The following CSMD2 variants were observed in gnomAD, a reference collection of about 807,000 sequenced individuals.
The protein encoded by CSMD2 is CUB and sushi domain-containing protein 2.
CSMD2 carries 130 observed loss-of-function variants against 398.5 expected under a neutral mutation model. The ratio of observed to expected loss-of-function variants is 0.33; its 90% CI spans 0.28 to 0.38. The LOEUF (loss-of-function observed/expected upper bound fraction) is 0.38. CSMD2 is among the 10% of genes least tolerant of loss of function. CSMD2 has a pLI of 1.00. For missense variants in CSMD2, 3,829 were observed against 4,764.9 expected, an observed-to-expected ratio of 0.80 and a Z score of 5.78; for synonymous variants, 1,828 against 1,908.5, an observed-to-expected ratio of 0.96 and a Z score of 1.10.
chr1:33,592,048 T>G, intron 44 of CSMD2: 11 of 313,006 alleles, frequency 3.5e-5, no homozygotes, highest in Non-Finnish European at 6.1e-5. Context: ...GTTGTTGTAT[T>G]CCTTGGGAAC....
At chr1:33,738,816 C>A (rs887999542) in intron 15 of CSMD2, among the ~76,000 whole-genome samples, 5 of 152,176 alleles carry the variant, frequency 3.3e-5, no homozygotes, top group African/African-American at 1.2e-4. Flanking sequence ...GCTGCCGGAG[C>A]TCCCCTGGGC....
chr1:34,068,339 C>T (rs1655345172), intron 2 of CSMD2, among the ~76,000 whole-genome samples: 1 of 152,186 alleles, frequency 6.6e-6, no homozygotes, highest in Non-Finnish European at 1.5e-5. Context: ...TTTCTCTTTT[C>T]TTTTACATTT....
rs1640529111 is a variant in CSMD2 at position 33,605,429 on chromosome 1, T to G, written c.6385A>C (p.Asn2129His). Residue 2129 changes from asparagine (N) to histidine (H), a missense_variant, in exon 42 of 71, where the codon AAT becomes CAT. Around this residue, in one of 5 missense-constraint regions of CSMD2, gnomAD observed 2,001 missense variants for 2,567.1 expected, o/e 0.78. Transcript: ENST00000373381. ...QECPDPEPFA[N>H]GIVRGAGYNV... Reference sequence around the variant, plus strand: ...TAGCCAGCTCCCCTCACAATGCCATTGGCAAAGGGCTCTGGGTCTGGGCAC... The same window carrying G: ...TAGCCAGCTCCCCTCACAATGCCATGGGCAAAGGGCTCTGGGTCTGGGCAC... The G allele has an allele frequency of 6.2e-7, 1 of 1,614,060 alleles. No homozygotes were observed. Among genetic ancestry groups the G allele is most frequent in the Non-Finnish European group, 8.5e-7 (1 of 1,180,034 alleles).
chr1:33,801,573 A>G (rs1655610766), intron 10 of CSMD2, among the ~76,000 whole-genome samples: 1 of 152,342 alleles, frequency 6.6e-6, no homozygotes, highest in African/African-American at 2.4e-5. Flanking sequence ...GCACTGTGCT[A>G]ACTGTGGAAG....
intron 5 of CSMD2, among the ~76,000 whole-genome samples, chr1:33,890,399 T>A (rs1270216897): frequency 6.6e-6 from 1 of 151,838 alleles, no homozygotes; most frequent in Non-Finnish European, 1.5e-5. Context: ...CCTGGCTAAT[T>A]TTTTGTATTT....
chr1:33,563,395 G>A (rs1395035828), intron 53 of CSMD2, among the ~76,000 whole-genome samples: 1 of 152,090 alleles, frequency 6.6e-6, no homozygotes, highest in Non-Finnish European at 1.5e-5. Flanking sequence ...CTACTGAGGT[G>A]GGAGAGAAGG....
intron 1 of CSMD2, among the ~76,000 whole-genome samples, chr1:34,162,791 G>A (rs1641472774): frequency 2.0e-5 from 3 of 152,038 alleles, no homozygotes; most frequent in Admixed American, 2.0e-4. Context: ...CCCAGGAGGC[G>A]GAGGTTGCAG....
chr1:33,823,803 G>GAT (rs545990837), intron 7 of CSMD2, among the ~76,000 whole-genome samples: 17 of 152,252 alleles, frequency 1.1e-4, no homozygotes, highest in African/African-American at 3.1e-4. Flanking sequence ...TCTCAATAGA[G>GAT]ATATATATAT....
At chr1:33,579,914 G>T (rs1638575356) in intron 48 of CSMD2, among the ~76,000 whole-genome samples, 1 of 152,100 alleles carries the variant, frequency 6.6e-6, no homozygotes, top group Non-Finnish European at 1.5e-5. Context: ...CCTGACCTCA[G>T]GTGATCTGCC....
intron 5 of CSMD2, among the ~76,000 whole-genome samples, chr1:33,853,285 T>C (rs572978860): frequency 9.8e-5 from 15 of 152,362 alleles, no homozygotes; most frequent in African/African-American, 3.4e-4. Context: ...GCACCTACTA[T>C]GTGCCAGAAA....
intron 3 of CSMD2, among the ~76,000 whole-genome samples, chr1:33,962,529 T>G (rs78028693): frequency 0.011 from 1,674 of 152,226 alleles, 18 homozygotes; most frequent in Non-Finnish European, 0.014. Flanking sequence ...GGGAAAAAAT[T>G]TATTACTGCT....
At chr1:33,735,079 T>C (rs1433713046) in intron 15 of CSMD2, among the ~76,000 whole-genome samples, 1 of 152,244 alleles carries the variant, frequency 6.6e-6, no homozygotes, top group Non-Finnish European at 1.5e-5. Context: ...AAAGTAGAAA[T>C]CCTGCTTTTC....
chr1:34,078,685 C>T (rs1252562426), intron 2 of CSMD2, among the ~76,000 whole-genome samples: 2 of 152,180 alleles, frequency 1.3e-5, no homozygotes, highest in African/African-American at 4.8e-5. Flanking sequence ...GTCCCCACTG[C>T]ACCCTTCTGT....
Position 33,580,806 on chromosome 1 carries a change from C to T in CSMD2, c.7334G>A (p.Arg2445His), listed in dbSNP as rs190368073. The T allele has an allele frequency of 6.1e-5, 98 of 1,614,112 alleles. No individual in the cohort carries two copies. The highest frequency in any genetic ancestry group is 3.3e-4 in the Middle Eastern group (2 of 6,062). ...VTSSSNSVYL[R>H]WSSDHAYNRK... ...ATTGTAGGCGTGATCAGATGACCAA[C>T]GCAGGTACACAGAGTTGCTTGAGCT... Residue 2445 changes from arginine (R) to histidine (H), a missense_variant, in exon 48 of 71, where the codon CGT becomes CAT. Coordinates refer to ENST00000373381, the MANE Select transcript of CSMD2 (RefSeq NM_001281956.2).
chr1:33,563,736 C>T (rs1658791608), intron 53 of CSMD2, among the ~76,000 whole-genome samples: 1 of 151,900 alleles, frequency 6.6e-6, no homozygotes, highest in African/African-American at 2.4e-5. Context: ...TTGCTGAGAA[C>T]GTAGGTAGGG....
intron 5 of CSMD2, among the ~76,000 whole-genome samples, chr1:33,916,969 A>C (rs907085238): frequency 6.7e-6 from 1 of 149,028 alleles, no homozygotes; most frequent in African/African-American, 2.5e-5. Context: ...CCTCCTCCCT[A>C]CTCCCACTGA....
At chr1:33,685,254 A>G (rs1235535681) in intron 25 of CSMD2, among the ~76,000 whole-genome samples, 2 of 152,242 alleles carry the variant, frequency 1.3e-5, no homozygotes, top group Non-Finnish European at 2.9e-5. Context: ...GAGCAGCGGT[A>G]CCAAGTCTGG....
chr1:33,648,385 G>A (rs1259426323), intron 28 of CSMD2, among the ~76,000 whole-genome samples: 2 of 145,928 alleles, frequency 1.4e-5, no homozygotes, highest in Admixed American at 1.4e-4. Context: ...AAAAAGCAGA[G>A]CTTTCAGTGG....
At chr1:33,576,094 A>G (rs1237519234) in intron 49 of CSMD2, among the ~76,000 whole-genome samples, 4 of 152,222 alleles carry the variant, frequency 2.6e-5, no homozygotes, top group African/African-American at 4.8e-5. Context: ...ACAGCTGTCA[A>G]TCGCATACGT....
Sources: allele counts gnomAD v4.1 joint callset (sites outside exome capture counted in the v4.1 genomes callset), GRCh38; gene constraint gnomAD v4.1.1; regional missense constraint gnomAD v4.1.1; transcripts MANE v1.5; gene names NCBI Gene and HGNC (gene_info 2026-07-23, HGNC 2026-07-21).